NXPE2: variants seen among roughly 807,000 people sequenced by gnomAD.
NXPE2 encodes the protein NXPE family member 2.
A neutral mutation model predicts 34.4 loss-of-function variants in NXPE2; 34 were observed. The observed-to-expected ratio is 0.99, with a 90% confidence interval of 0.75 to 1.31. NXPE2 has a LOEUF of 1.31. NXPE2 is among the 40% of genes most tolerant of loss of function. The probability of loss-of-function intolerance (pLI) is 0.00; values close to 1 mark genes in which losing one functional copy is unlikely to be tolerated. For synonymous variants in NXPE2, 235 were observed against 231.3 expected, an observed-to-expected ratio of 1.02 and a Z score of -0.15; for missense variants, 649 against 672.5, an observed-to-expected ratio of 0.97 and a Z score of 0.39.
the NXPE2 span, among the ~76,000 whole-genome samples, chr11:114,548,785 G>A: frequency 3.3e-5 from 5 of 151,732 alleles, no homozygotes; most frequent in Admixed American, 6.6e-5. Context: ...AAAGAAAAAG[G>A]TAGGAATTGA....
the NXPE2 span, among the ~76,000 whole-genome samples, chr11:114,658,099 A>G: frequency 2.0e-5 from 3 of 152,194 alleles, no homozygotes; most frequent in East Asian, 5.8e-4. Flanking sequence ...GGCATCATCA[A>G]TCCCGTCATA....
the NXPE2 span, among the ~76,000 whole-genome samples, chr11:114,730,234 G>T: frequency 6.6e-6 from 1 of 151,894 alleles, no homozygotes; most frequent in Non-Finnish European, 1.5e-5. Flanking sequence ...TTATTTCTGG[G>T]TTCTCTATTT....
At chr11:114,650,702 G>T in the NXPE2 span, among the ~76,000 whole-genome samples, 3 of 152,142 alleles carry the variant, frequency 2.0e-5, no homozygotes, top group Admixed American at 1.3e-4. Context: ...ATCATAAGTA[G>T]GGCAGGCAAC....
the NXPE2 span, among the ~76,000 whole-genome samples, chr11:114,519,850 G>A: frequency 6.6e-6 from 1 of 152,062 alleles, no homozygotes; most frequent in African/African-American, 2.4e-5. Context: ...GATTACTGTA[G>A]TCAGTATATT....
At chr11:114,606,642 A>G in the NXPE2 span, among the ~76,000 whole-genome samples, 1 of 151,966 alleles carries the variant, frequency 6.6e-6, no homozygotes, top group African/African-American at 2.4e-5. Context: ...CTCGTGGGAA[A>G]CCAGTGTTAC....
chr11:114,679,669 G>A lies in NXPE2; in HGVS notation c.39G>A (p.Leu13=), dbSNP rs1173648621. 6.5e-7 allele frequency: 1 copy of A among 1,546,698 alleles called. No homozygotes were observed. Among genetic ancestry groups the A allele is most frequent in the Non-Finnish European group, 8.7e-7 (1 of 1,143,076 alleles). Residue 13 remains leucine, a synonymous_variant, in exon 2 of 6, where the codon TTG becomes TTA. Transcript: ENST00000389586. Reference sequence around the variant, plus strand: ...TCCTTTCTTATAGGATACTCACTTTGTTTCCAAATGCCATAGCTCGAAAAT... The same window carrying A: ...TCCTTTCTTATAGGATACTCACTTTATTTCCAAATGCCATAGCTCGAAAAT... The part of the protein sequence containing the change: ...EKILIHRILT[L]FPNAIARKLL...
chr11:114,511,031 T>C, the NXPE2 span, among the ~76,000 whole-genome samples: 1 of 152,270 alleles, frequency 6.6e-6, no homozygotes, highest in South Asian at 2.1e-4. Context: ...AATCTTCTAC[T>C]ACCAACCTAG....
the NXPE2 span, among the ~76,000 whole-genome samples, chr11:114,660,938 C>T: frequency 6.6e-6 from 1 of 152,020 alleles, no homozygotes; most frequent in East Asian, 1.9e-4. Flanking sequence ...AGGCCTGCCC[C>T]TTAATATAAA....
At chr11:114,725,976 AAT>A in the NXPE2 span, among the ~76,000 whole-genome samples, 6 of 101,768 alleles carry the variant, frequency 5.9e-5, 1 homozygote, top group Non-Finnish European at 8.3e-5. Flanking sequence ...ATAAAAAAAA[AAT>A]ATATATATAT....
the NXPE2 span, among the ~76,000 whole-genome samples, chr11:114,763,438 G>T: frequency 0.017 from 2,640 of 151,928 alleles, 30 homozygotes; most frequent in Non-Finnish European, 0.027. Flanking sequence ...AGCCTGTGCA[G>T]CCTTATCATC....
the NXPE2 span, among the ~76,000 whole-genome samples, chr11:114,792,967 G>C: frequency 6.6e-6 from 1 of 152,092 alleles, no homozygotes; most frequent in Non-Finnish European, 1.5e-5. Context: ...CGGTAAAAAG[G>C]AACTTACAAC....
At chr11:114,638,744 G>T in the NXPE2 span, among the ~76,000 whole-genome samples, 2 of 152,038 alleles carry the variant, frequency 1.3e-5, no homozygotes, top group Admixed American at 6.6e-5. Flanking sequence ...GACCCTGTTT[G>T]CCTGGGTAAC....
chr11:114,607,963 T>C, the NXPE2 span, among the ~76,000 whole-genome samples: 1 of 151,808 alleles, frequency 6.6e-6, no homozygotes, highest in Non-Finnish European at 1.5e-5. Flanking sequence ...CAGTGGATAA[T>C]AAGTGTTGCC....
chr11:114,583,491 A>G, the NXPE2 span: 851 of 634,646 alleles, frequency 1.3e-3, 3 homozygotes, highest in African/African-American at 0.011. Flanking sequence ...TGCTCCATCT[A>G]TCCAGATTAC....
the NXPE2 span, among the ~76,000 whole-genome samples, chr11:114,723,378 A>C: frequency 1.3e-5 from 2 of 152,172 alleles, no homozygotes; most frequent in Non-Finnish European, 2.9e-5. Flanking sequence ...ATGGGAGGAA[A>C]GATTACATTT....
chr11:114,658,551 C>G, the NXPE2 span, among the ~76,000 whole-genome samples: 2 of 152,086 alleles, frequency 1.3e-5, no homozygotes, highest in East Asian at 3.9e-4. Flanking sequence ...TCCCTCATGC[C>G]CTTCTTCTAA....
the NXPE2 span, among the ~76,000 whole-genome samples, chr11:114,783,745 T>C: frequency 6.6e-6 from 1 of 152,158 alleles, no homozygotes; most frequent in African/African-American, 2.4e-5. Flanking sequence ...ACTGTGGTGT[T>C]GTGAGGGTCT....
the NXPE2 span, among the ~76,000 whole-genome samples, chr11:114,734,343 A>C: frequency 1.5e-4 from 23 of 152,214 alleles, no homozygotes; most frequent in Non-Finnish European, 3.2e-4. Flanking sequence ...TATGTCTTAG[A>C]AAATATATTT....
At chr11:114,679,956 A>G (rs1053403516) in intron 2 of NXPE2, among the ~76,000 whole-genome samples, 194 bp downstream of exon 2, 2 of 152,182 alleles carry the variant, frequency 1.3e-5, no homozygotes, top group African/African-American at 2.4e-5. Flanking sequence ...ATGGCAATGT[A>G]TACATTATTA....
Sources: gnomAD v4.1 joint callset for allele counts (sites outside exome capture counted in the v4.1 genomes callset) on GRCh38, gnomAD v4.1.1 for gene constraint, MANE v1.5 for transcripts, NCBI Gene and HGNC (gene_info 2026-07-23, HGNC 2026-07-21) for gene names.